Variants in SFT2D1 observed in about 807,000 individuals in gnomAD.
SFT2D1 encodes vesicle transport protein SFT2A.
Under a neutral mutation model 28.1 loss-of-function variants are expected in SFT2D1, and 24 were observed. The ratio of observed to expected loss-of-function variants is 0.85; its 90% CI spans 0.62 to 1.20. The LOEUF (loss-of-function observed/expected upper bound fraction) is 1.20. Ranked by LOEUF, SFT2D1 falls within the 50% of genes most tolerant of loss-of-function variation. SFT2D1 has a pLI of 0.00. For missense variants in SFT2D1, 181 were observed against 190.9 expected (o/e 0.95, Z 0.31); for synonymous variants, 82 against 73.7 (o/e 1.11, Z -0.58).
chr6:166,325,378 C>T (rs554668727), intron 5 of SFT2D1, among the ~76,000 whole-genome samples: 24 of 152,210 alleles, frequency 1.6e-4, no homozygotes, highest in African/African-American at 5.5e-4. Flanking sequence ...TGCTTCAAAC[C>T]CATTTGGGAA....
At chr6:166,332,954 T>C (rs1778577495) in intron 1 of SFT2D1, among the ~76,000 whole-genome samples, 1 of 152,184 alleles carries the variant, frequency 6.6e-6, no homozygotes, top group African/African-American at 2.4e-5. Context: ...ACGGAGAAGC[T>C]GAGGAACAGC....
At chr6:166,339,153 T>A (rs1778721831) in intron 1 of SFT2D1, among the ~76,000 whole-genome samples, 2 of 151,800 alleles carry the variant, frequency 1.3e-5, no homozygotes, top group Non-Finnish European at 2.9e-5. Flanking sequence ...ACAGCAAACC[T>A]CCCTATGTCC....
chr6:166,327,987 G>A lies in SFT2D1; in HGVS notation c.315+289C>T, dbSNP rs550888037. Among the ~76,000 whole-genome samples the A allele has an allele frequency of 4.6e-5, 7 of 151,996 alleles. No individual in the cohort carries two copies. The East Asian group carries it at 5.8e-4, about 13-fold the overall frequency. ...TAATTTTTGTATTTTTAGTAGAGAC[G>A]GGGTTTCATTATATTGGTCAGGCTG... is the stretch of plus-strand genomic sequence containing the variant. On this transcript the variant is annotated intron_variant, in intron 4 of 7. Coordinates refer to ENST00000361731, the MANE Select transcript of SFT2D1 (RefSeq NM_145169.3).
intron 7 of SFT2D1, among the ~76,000 whole-genome samples, chr6:166,321,740 T>C (rs1343238512): frequency 1.3e-5 from 2 of 152,230 alleles, no homozygotes; most frequent in South Asian, 2.1e-4. Context: ...AGATTTAAAA[T>C]TGGAACTAGT....
At chr6:166,326,874 AAACT>A (rs1446324680) in intron 4 of SFT2D1, among the ~76,000 whole-genome samples, 5 of 152,242 alleles carry the variant, frequency 3.3e-5, no homozygotes, top group South Asian at 4.1e-4. Flanking sequence ...TTCTTAAATA[AAACT>A]AACTAAAATC....
At chr6:166,327,821 A>C (rs1048730559) in intron 4 of SFT2D1, among the ~76,000 whole-genome samples, 7 of 152,012 alleles carry the variant, frequency 4.6e-5, no homozygotes, top group Non-Finnish European at 7.4e-5. Flanking sequence ...TGGTTTTTAG[A>C]TGGAGCTTCA....
At position 166,320,236 on chromosome 6, in the gene SFT2D1, C is replaced by A; in HGVS notation, c.461G>T (p.Cys154Phe). Residue 154 changes from cysteine to phenylalanine, a missense_variant, in exon 8 of 8, where the codon TGT (cysteine) becomes TTT (phenylalanine). By Grantham distance (205) the Cys-to-Phe change is radical. Transcript: ENST00000361731. ...TGATTTTCAACTTAGGAGAGAAGAACAGCATTTAATAACTGCATCCCTGGT... is the reference window on the plus strand; with the variant it reads ...TGATTTTCAACTTAGGAGAGAAGAAAAGCATTTAATAACTGCATCCCTGGT... The part of the protein sequence containing the change: ...PYARDAVIKC[C>F]SSLLS 1 of 1,611,630 alleles carries A rather than the reference C, an allele frequency of 6.2e-7. No individual in the cohort carries two copies. The highest frequency in any genetic ancestry group is 8.5e-7 in the Non-Finnish European group (1 of 1,179,162).
chr6:166,330,208 T>G lies in SFT2D1; in HGVS notation c.103A>C (p.Lys35Gln), dbSNP rs1778524922. Residue 35 changes from lysine to glutamine, a missense_variant, in exon 2 of 8, where the codon AAA becomes CAA. Physicochemically the swap from Lys to Gln is moderately conservative, Grantham distance 53. Transcript: ENST00000361731. ...ASSLSFNTRL[K>Q]WFAICFVCGV... ...CATACGAAGCAGATGGCAAACCATTTCAATCTGGTGTTGAAACTAAGGGAT... is the reference window on the plus strand; with the variant it reads ...CATACGAAGCAGATGGCAAACCATTGCAATCTGGTGTTGAAACTAAGGGAT... The G allele has an allele frequency of 1.2e-6, 2 of 1,607,158 alleles. No individual in the cohort carries two copies. The highest frequency in any genetic ancestry group is 1.1e-5 in the South Asian group (1 of 89,496).
chr6:166,327,958 G>A (rs979413321), intron 4 of SFT2D1, among the ~76,000 whole-genome samples: 5 of 151,932 alleles, frequency 3.3e-5, no homozygotes, highest in South Asian at 2.1e-4. Flanking sequence ...CCACCTCACC[G>A]GGCTAATTTT....
intron 6 of SFT2D1, chr6:166,323,454 T>C (rs1197632510): frequency 6.6e-6 from 1 of 152,164 alleles, no homozygotes; most frequent in African/African-American, 2.4e-5. Flanking sequence ...GTAAGAGGAA[T>C]GTAAAATGGC....
At chr6:166,336,423 T>C (rs949500832) in intron 1 of SFT2D1, among the ~76,000 whole-genome samples, 1 of 152,206 alleles carries the variant, frequency 6.6e-6, no homozygotes, top group African/African-American at 2.4e-5. Flanking sequence ...GAATGAAGCT[T>C]GTGTATCATC....
chr6:166,331,119 T>A (rs1359519811), intron 1 of SFT2D1, among the ~76,000 whole-genome samples: 1 of 152,232 alleles, frequency 6.6e-6, no homozygotes, highest in Non-Finnish European at 1.5e-5. Flanking sequence ...CAGCACACAG[T>A]AGTGGTGAAA....
chr6:166,328,033 G>C (rs1221228156), intron 4 of SFT2D1, among the ~76,000 whole-genome samples: 1 of 152,004 alleles, frequency 6.6e-6, no homozygotes, highest in Non-Finnish European at 1.5e-5. Flanking sequence ...CCTGCCATCA[G>C]GTGATCCGCC....
intron 7 of SFT2D1, among the ~76,000 whole-genome samples, chr6:166,321,779 T>G (rs1778363537): frequency 6.6e-6 from 1 of 152,232 alleles, no homozygotes; most frequent in Non-Finnish European, 1.5e-5. Flanking sequence ...GCTAAATACA[T>G]TTCTCTGGAA....
intron 1 of SFT2D1, among the ~76,000 whole-genome samples, chr6:166,335,821 C>A (rs960742445): frequency 1.3e-5 from 2 of 152,186 alleles, no homozygotes; most frequent in Admixed American, 1.3e-4. Flanking sequence ...CTACAGGTTA[C>A]AAGAGATTTG....
At chr6:166,325,996 A>G in intron 5 of SFT2D1, 136 bp downstream of exon 5, 1 of 866,642 alleles carries the variant, frequency 1.2e-6, no homozygotes, top group East Asian at 2.6e-5. Context: ...GTAACATGTC[A>G]AATTTTAGGA....
chr6:166,333,641 G>A (rs1236827545), intron 1 of SFT2D1, among the ~76,000 whole-genome samples: 1 of 152,208 alleles, frequency 6.6e-6, no homozygotes, highest in Non-Finnish European at 1.5e-5. Context: ...TGCTCCAGGA[G>A]GTGCTGAGCT....
chr6:166,336,096 T>C (rs1289421265), intron 1 of SFT2D1, among the ~76,000 whole-genome samples: 2 of 152,234 alleles, frequency 1.3e-5, no homozygotes, highest in Non-Finnish European at 2.9e-5. Flanking sequence ...TGTGTCCTTT[T>C]AAAAAACGTG....
chr6:166,323,802 G>C (rs1778397192), intron 6 of SFT2D1: 1 of 152,144 alleles, frequency 6.6e-6, no homozygotes. Context: ...ACATTTACTG[G>C]TTGAGTATCA....
Sources: gnomAD v4.1 joint callset for allele counts (sites outside exome capture counted in the v4.1 genomes callset) on GRCh38, gnomAD v4.1.1 for gene constraint, MANE v1.5 for transcripts, NCBI Gene and HGNC (gene_info 2026-07-23, HGNC 2026-07-21) for gene names.